The following WDPCP variants were observed in gnomAD, a reference collection of about 807,000 sequenced individuals.
WDPCP encodes the protein WD repeat containing planar cell polarity effector, also known as WD repeat-containing and planar cell polarity effector protein fritz homolog.
Under a neutral mutation model 93.1 loss-of-function variants are expected in WDPCP, and 71 were observed. The observed-to-expected ratio is 0.76, with a 90% CI of 0.63 to 0.93. WDPCP has a LOEUF of 0.93. Among genes scored for constraint, WDPCP ranks in the 40% least tolerant of loss-of-function variants. WDPCP has a pLI of 0.00. For synonymous variants in WDPCP, 315 were observed against 315.0 expected (o/e 1.00, Z 0.00); for missense variants, 844 against 887.4 (o/e 0.95, Z 0.62).
At chr2:63,597,723 C>T (rs1709345312) in intron 3 of WDPCP, 1 of 602,336 alleles carries the variant, frequency 1.7e-6, no homozygotes, top group Admixed American at 4.4e-5. Flanking sequence ...GCTTGATAAG[C>T]TCTCCCTTTC....
intron 3 of WDPCP, among the ~76,000 whole-genome samples, chr2:63,618,466 T>G (rs1709696433): frequency 6.6e-6 from 1 of 152,210 alleles, no homozygotes; most frequent in Non-Finnish European, 1.5e-5. Flanking sequence ...CATTTTCTTT[T>G]TCTTTCCTGA....
chr2:63,255,052 CAGG>C lies in WDPCP; in HGVS notation c.1915+4252_1915+4254del, dbSNP rs528883896. ...AAGATCATGATAATCTTGATAGGCACAGGAGAAGTATTCGATAAAATTCAATAC... is the reference window on the plus strand; with the variant it reads ...AAGATCATGATAATCTTGATAGGCACAGAAGTATTCGATAAAATTCAATAC... On this transcript the variant is annotated intron_variant, in intron 14 of 17. Coordinates refer to ENST00000272321, the MANE Select transcript of WDPCP (RefSeq NM_015910.7). Among the ~76,000 whole-genome samples the C allele has an allele frequency of 1.5e-3, 234 of 152,172 alleles. 1 individual carries two copies. Among genetic ancestry groups the C allele is most frequent in the African/African-American group, 5.0e-3 (208 of 41,528 alleles).
At chr2:63,250,478 A>AT (rs1309085191) in intron 14 of WDPCP, among the ~76,000 whole-genome samples, 1 of 152,194 alleles carries the variant, frequency 6.6e-6, no homozygotes, top group Non-Finnish European at 1.5e-5. Context: ...AGCAGTATAA[A>AT]TATCTGAGTT....
rs931183867 is a variant in WDPCP at position 63,226,370 on chromosome 2, G to GA, written c.1915+32936dup. On this transcript the variant is annotated intron_variant, in intron 14 of 17. Coordinates refer to ENST00000272321, the MANE Select transcript of WDPCP (RefSeq NM_015910.7). The stretch of plus-strand genomic sequence containing the variant: ...GCATTTGAACTAAATTCTTTGATAG[G>GA]AAAAAAAAGACTATATATTCTATAC... Among the ~76,000 whole-genome samples, 22 of 150,626 alleles carry GA rather than the reference G, an allele frequency of 1.5e-4. No homozygotes were observed. In the South Asian group the frequency reaches 1.5e-3, roughly 10 times the overall value.
chr2:63,675,811 T>A (rs1304715293), intron 2 of WDPCP, among the ~76,000 whole-genome samples: 1 of 152,226 alleles, frequency 6.6e-6, no homozygotes, highest in East Asian at 1.9e-4. Context: ...ATATATGAAA[T>A]AATATCATTT....
intron 12 of WDPCP, among the ~76,000 whole-genome samples, chr2:63,325,381 C>A (rs891783885): frequency 2.6e-5 from 4 of 152,126 alleles, no homozygotes; most frequent in Non-Finnish European, 5.9e-5. Context: ...GTTCTCTGGG[C>A]CAGAAAAAAG....
chr2:63,742,271 A>T lies in WDPCP; in HGVS notation n.308+71351T>A, dbSNP rs560404086. ...AAAGGAAGGAAGGGAGGGAGGAAGG[A>T]AGGAAGGGAGAGAGGGAGGAAGGAA... On this transcript the variant is annotated intron_variant and non_coding_transcript_variant, in intron 2 of 4. Coordinates refer to the WDPCP transcript ENST00000467687. 3.0e-4 allele frequency among the ~76,000 whole-genome samples: 46 copies of T among 152,084 alleles called. No homozygotes were observed. In the South Asian group the frequency reaches 8.9e-3, roughly 29 times the overall value.
intron 1 of WDPCP, among the ~76,000 whole-genome samples, chr2:63,584,703 C>T (rs954332984): frequency 1.3e-5 from 2 of 152,064 alleles, no homozygotes; most frequent in Admixed American, 6.6e-5. Context: ...GGAATTGCTA[C>T]ATTACGTTTC....
In WDPCP at chr2:63,498,146, T is replaced by C. The variant is rs574198395; in HGVS notation, c.76-5206A>G. Among the ~76,000 whole-genome samples, 4 of 152,306 alleles carry C rather than the reference T, an allele frequency of 2.6e-5. No individual in the cohort carries two copies. In the South Asian group the frequency reaches 8.3e-4, roughly 32 times the overall value. On this transcript the variant is annotated intron_variant, in intron 1 of 17. Transcript: ENST00000272321. Reference sequence around the variant, plus strand: ...AATTATCCAAATGAAAATAGTAGAATGAAAAACCCAAACAAAAAATCACCC... The same window carrying C: ...AATTATCCAAATGAAAATAGTAGAACGAAAAACCCAAACAAAAAATCACCC...
chr2:63,159,420 C>G (rs957869488), intron 15 of WDPCP, among the ~76,000 whole-genome samples: 5 of 152,116 alleles, frequency 3.3e-5, no homozygotes, highest in South Asian at 4.2e-4. Flanking sequence ...ATTGTTGGAG[C>G]TCCTTAAAGT....
At chr2:63,384,854 A>T (rs573907491) in intron 10 of WDPCP, among the ~76,000 whole-genome samples, 4 of 152,178 alleles carry the variant, frequency 2.6e-5, no homozygotes, top group African/African-American at 7.2e-5. Flanking sequence ...TGACACCAAA[A>T]ATGAAGATAT....
intron 1 of WDPCP, among the ~76,000 whole-genome samples, chr2:63,578,712 G>A (rs1332838100): frequency 6.6e-6 from 1 of 152,152 alleles, no homozygotes. Flanking sequence ...AAGAAGAAAA[G>A]CAGAAAGATT....
At chr2:63,690,126 A>G (rs1668869241) in intron 2 of WDPCP, among the ~76,000 whole-genome samples, 1 of 152,242 alleles carries the variant, frequency 6.6e-6, no homozygotes, top group Non-Finnish European at 1.5e-5. Flanking sequence ...GACAGTCATG[A>G]GGTGAACCAT....
At chr2:63,288,552 A>G (rs766753367) in intron 13 of WDPCP, among the ~76,000 whole-genome samples, 8 of 152,230 alleles carry the variant, frequency 5.3e-5, no homozygotes, top group Non-Finnish European at 1.0e-4. Context: ...AAAAGTTTCA[A>G]GTACAGTACA....
intron 3 of WDPCP, among the ~76,000 whole-genome samples, chr2:63,636,240 A>G (rs944149943): frequency 5.3e-5 from 8 of 152,252 alleles, no homozygotes; most frequent in African/African-American, 1.9e-4. Flanking sequence ...TCCCATGTTC[A>G]TGGATTGGAA....
At chr2:63,834,243 A>C in the WDPCP span, among the ~76,000 whole-genome samples, 1 of 152,366 alleles carries the variant, frequency 6.6e-6, no homozygotes, top group East Asian at 1.9e-4. Flanking sequence ...TCCAGACAGC[A>C]GTCTTCAATA....
chr2:63,815,290 A>T (rs1670918144), intron 1 of WDPCP, among the ~76,000 whole-genome samples: 1 of 152,240 alleles, frequency 6.6e-6, no homozygotes, highest in Non-Finnish European at 1.5e-5. Flanking sequence ...GGGAACAAAT[A>T]TTCAATAAGA....
chr2:63,721,983 G>A (rs1246719735), intron 2 of WDPCP, among the ~76,000 whole-genome samples: 1 of 151,964 alleles, frequency 6.6e-6, no homozygotes. Context: ...CACCAGCCTC[G>A]GCCTCCCGAG....
At chr2:63,516,479 C>T (rs1462620306) in intron 1 of WDPCP, among the ~76,000 whole-genome samples, 1 of 152,194 alleles carries the variant, frequency 6.6e-6, no homozygotes, top group Non-Finnish European at 1.5e-5. Context: ...TCAGAGCCTT[C>T]ATTCACACAC....
Sources: allele counts gnomAD v4.1 joint callset (sites outside exome capture counted in the v4.1 genomes callset), GRCh38; gene constraint gnomAD v4.1.1; transcripts MANE v1.5; gene names NCBI Gene and HGNC (gene_info 2026-07-23, HGNC 2026-07-21).